The following NR5A2 variants were observed in gnomAD, a reference collection of about 807,000 sequenced individuals.
The protein encoded by NR5A2 is CYP7A promoter-binding factor.
A neutral mutation model predicts 62.7 loss-of-function variants in NR5A2; 26 were observed. The observed-to-expected ratio is 0.41, with a 90% CI of 0.30 to 0.58. The LOEUF is 0.58. NR5A2 is among the 20% of genes least tolerant of loss of function. NR5A2 has a pLI of 0.22. For missense variants in NR5A2, 541 were observed against 669.1 expected (o/e 0.81, Z 2.11); for synonymous variants, 246 against 241.7 (o/e 1.02, Z -0.16).
At chr1:200,107,473 G>A (rs531439137) in intron 5 of NR5A2, among the ~76,000 whole-genome samples, 2 of 152,192 alleles carry the variant, frequency 1.3e-5, no homozygotes, top group African/African-American at 4.8e-5. Flanking sequence ...AGGATAATGT[G>A]AACAGCACAG....
intron 5 of NR5A2, among the ~76,000 whole-genome samples, chr1:200,083,092 TAGTA>T (rs1664366603): frequency 1.3e-5 from 2 of 152,176 alleles, no homozygotes; most frequent in South Asian, 4.1e-4. Flanking sequence ...ATATTTCTAA[TAGTA>T]AGGTTAAGCA....
At chr1:200,029,211 A>G (rs559398484) in intron 1 of NR5A2, 63 of 259,262 alleles carry the variant, frequency 2.4e-4, no homozygotes, top group South Asian at 2.3e-3. Flanking sequence ...GGAGACGCGG[A>G]CTGCGCGCGC....
chr1:200,160,499 C>A (rs955010438), intron 7 of NR5A2, among the ~76,000 whole-genome samples: 11 of 152,172 alleles, frequency 7.2e-5, no homozygotes, highest in Non-Finnish European at 1.2e-4. Flanking sequence ...TAGCCTCACT[C>A]ACACAAAATA....
intron 7 of NR5A2, among the ~76,000 whole-genome samples, chr1:200,142,970 T>A (rs1477562358): frequency 6.6e-6 from 1 of 152,176 alleles, no homozygotes; most frequent in Non-Finnish European, 1.5e-5. Context: ...AGTGAGTTGA[T>A]GTTTTATTTT....
intron 7 of NR5A2, among the ~76,000 whole-genome samples, chr1:200,156,130 C>G (rs958671746): frequency 4.6e-5 from 7 of 152,148 alleles, no homozygotes; most frequent in African/African-American, 1.7e-4. Flanking sequence ...TGTGAAGAGT[C>G]TAGGGTTTTG....
intron 5 of NR5A2, among the ~76,000 whole-genome samples, chr1:200,062,593 G>A (rs995064636): frequency 3.3e-5 from 5 of 152,214 alleles, no homozygotes; most frequent in African/African-American, 1.2e-4. Context: ...TTTCCGTTGA[G>A]TGATGAAAAG....
chr1:200,147,854 C>G lies in NR5A2; in HGVS notation c.1379-26109C>G. 2.2e-6 allele frequency: 1 copy of G among 448,700 alleles called. No homozygotes were observed. The highest frequency in any genetic ancestry group is 4.2e-6 in the Non-Finnish European group (1 of 240,544). 27.8% of individuals were successfully genotyped at this position (448,700 alleles called of 1,614,324 possible). A position where few individuals can be genotyped will look rare whatever the true frequency, so the allele number is the denominator to read the frequency against. On this transcript the variant is annotated intron_variant, in intron 7 of 7. Transcript: ENST00000367362. The surrounding 1 kb of genome is among the most constrained non-coding windows in gnomAD (Gnocchi z 4.9). ...CAGCCATTGGTGAGCAGTATGGCCA[C>G]CTGCTTGTAGGCGCAGTCCCCGGAG...
intron 5 of NR5A2, among the ~76,000 whole-genome samples, chr1:200,063,314 G>A (rs938871579): frequency 5.4e-5 from 8 of 149,496 alleles, no homozygotes; most frequent in Non-Finnish European, 7.4e-5. Context: ...GTGAGCCACC[G>A]CACCCGGCCT....
chr1:200,027,868 T>C lies in NR5A2; in HGVS notation c.21T>C (p.Thr7=). The C allele has an allele frequency of 6.2e-7, 1 of 1,606,176 alleles. No individual in the cohort carries two copies. Among genetic ancestry groups the C allele is most frequent in the South Asian group, 1.1e-5 (1 of 88,918 alleles). Residue 7 remains threonine (T), a synonymous_variant, in exon 1 of 8, where the codon ACT becomes ACC. Coordinates refer to ENST00000367362, the MANE Select transcript of NR5A2 (RefSeq NM_205860.3). MSSNSD[T]GDLQESLKHG... is the part of the protein sequence containing the mutation. The stretch of plus-strand genomic sequence containing the variant: ...TAAGAATGTCTTCTAATTCAGATAC[T>C]GGGGATTTACAAGAGTCTTTAAAGC...
At chr1:200,057,590 T>C in intron 5 of NR5A2, 1 of 341,662 alleles carries the variant, frequency 2.9e-6, no homozygotes, top group Non-Finnish European at 5.9e-6. Context: ...GTGATTCGCC[T>C]GCCTCAGCCT....
intron 1 of NR5A2, among the ~76,000 whole-genome samples, chr1:200,033,133 C>T (rs897313442): frequency 6.6e-6 from 1 of 152,044 alleles, no homozygotes; most frequent in Admixed American, 6.6e-5. Flanking sequence ...ACTTCTGGTC[C>T]CCTACTCTGG....
At position 200,120,793 on chromosome 1, in the gene NR5A2, G is replaced by T. The variant is rs751145026; in HGVS notation, c.1231-15G>T. 2.6e-6 allele frequency: 4 copies of T among 1,521,454 alleles called. No individual in the cohort carries two copies. Among genetic ancestry groups the T allele is most frequent in the African/African-American group, 1.4e-5 (1 of 70,924 alleles). The allele number at this position is 1,521,454 out of a possible 1,614,324, so 94.2% of individuals were successfully genotyped here. A position where few individuals can be genotyped will look rare whatever the true frequency, so the allele number is the denominator to read the frequency against. On this transcript the variant is annotated splice_polypyrimidine_tract_variant and intron_variant, in intron 6 of 7. Coordinates refer to ENST00000367362, the MANE Select transcript of NR5A2 (RefSeq NM_205860.3). The stretch of plus-strand genomic sequence containing the variant: ...TGATTCTGATAGTCCTTAAAACTGT[G>T]ATTCTGTATTGCAGGTGGACTATTC...
chr1:200,089,530 G>T (rs1464897939), intron 5 of NR5A2, among the ~76,000 whole-genome samples: 1 of 152,100 alleles, frequency 6.6e-6, no homozygotes, highest in Non-Finnish European at 1.5e-5. Flanking sequence ...GAGTGCAGTG[G>T]CACCACCTCG....
chr1:200,034,492 G>T (rs558271531), intron 1 of NR5A2, among the ~76,000 whole-genome samples: 9 of 151,026 alleles, frequency 6.0e-5, no homozygotes, highest in Non-Finnish European at 1.2e-4. Context: ...AAGTGAAAAG[G>T]TTCTTCAGTG....
intron 7 of NR5A2, chr1:200,148,010 C>G (rs1366837001): frequency 6.5e-6 from 2 of 308,196 alleles, no homozygotes; most frequent in African/African-American, 4.5e-5. Context: ...CGAAAACGCC[C>G]AGTTCGAAGG....
intron 6 of NR5A2, among the ~76,000 whole-genome samples, chr1:200,113,609 TG>T (rs1425143027): frequency 1.3e-5 from 2 of 152,234 alleles, no homozygotes; most frequent in Non-Finnish European, 2.9e-5. Context: ...AGCACAAAGC[TG>T]AATATGTTGG....
intron 2 of NR5A2, among the ~76,000 whole-genome samples, 174 bp from the exon 3 acceptor site, chr1:200,043,600 A>C (rs1423153937): frequency 6.6e-6 from 1 of 152,252 alleles, no homozygotes; most frequent in Non-Finnish European, 1.5e-5. Context: ...TATTGATGAC[A>C]AAAGATGTTT....
intron 7 of NR5A2, among the ~76,000 whole-genome samples, chr1:200,145,976 T>C (rs1297760409): frequency 6.6e-6 from 1 of 152,228 alleles, no homozygotes; most frequent in Admixed American, 6.5e-5. Context: ...CATTACCAAA[T>C]ACAATTTTAC....
intron 5 of NR5A2, among the ~76,000 whole-genome samples, chr1:200,064,334 A>C (rs946641392): frequency 6.6e-6 from 1 of 152,202 alleles, no homozygotes; most frequent in Non-Finnish European, 1.5e-5. Flanking sequence ...AGCCCTGTTT[A>C]CACCAATGTT....
Sources: allele counts gnomAD v4.1 joint callset (sites outside exome capture counted in the v4.1 genomes callset), GRCh38; gene constraint gnomAD v4.1.1; non-coding constraint Gnocchi (gnomAD v3.1); transcripts MANE v1.5; gene names NCBI Gene and HGNC (gene_info 2026-07-23, HGNC 2026-07-21).